Variants in THSD7A observed in about 807,000 individuals in gnomAD.
THSD7A encodes thrombospondin type 1 domain containing 7A, also known as thrombospondin type-1 domain-containing protein 7A.
Under a neutral mutation model 231.3 loss-of-function variants are expected in THSD7A, and 96 were observed. The ratio of observed to expected loss-of-function variants is 0.41; its 90% CI spans 0.35 to 0.49. THSD7A has a LOEUF of 0.49. THSD7A is among the 20% of genes least tolerant of loss of function. The pLI is 0.05. For synonymous variants in THSD7A, 940 were observed against 743.3 expected (o/e 1.26, Z -4.30); for missense variants, 2,290 against 2,070.2 (o/e 1.11, Z -2.06).
chr7:11,647,917 G>T (rs1334322739), intron 1 of THSD7A, among the ~76,000 whole-genome samples: 1 of 152,016 alleles, frequency 6.6e-6, no homozygotes, highest in Non-Finnish European at 1.5e-5. Context: ...TGAAGCAAGA[G>T]GTTAGCTGAT....
chr7:11,471,736 T>G (rs1785947591), intron 8 of THSD7A, among the ~76,000 whole-genome samples: 1 of 152,036 alleles, frequency 6.6e-6, no homozygotes, highest in South Asian at 2.1e-4. Context: ...TAGAAGCAAA[T>G]TTATTATTAC....
At chr7:11,754,858 C>CTA (rs1276831942) in intron 1 of THSD7A, among the ~76,000 whole-genome samples, 9 of 151,994 alleles carry the variant, frequency 5.9e-5, no homozygotes, top group Admixed American at 3.3e-4. Context: ...AATAATAGAA[C>CTA]TATATATTGA....
chr7:11,487,749 G>C (rs1309023653), intron 6 of THSD7A, among the ~76,000 whole-genome samples: 1 of 152,054 alleles, frequency 6.6e-6, no homozygotes, highest in African/African-American at 2.4e-5. Flanking sequence ...CAGATCTCAT[G>C]AGAATTATTC....
chr7:11,703,202 C>G (rs1344727802), intron 1 of THSD7A, among the ~76,000 whole-genome samples: 1 of 151,240 alleles, frequency 6.6e-6, no homozygotes, highest in African/African-American at 2.4e-5. Flanking sequence ...TGGCAGCGTT[C>G]AAACTCTGGT....
At chr7:11,519,285 C>T (rs554600218) in intron 6 of THSD7A, among the ~76,000 whole-genome samples, 1 of 152,208 alleles carries the variant, frequency 6.6e-6, no homozygotes, top group South Asian at 2.1e-4. Flanking sequence ...TTCTATTTCC[C>T]CTTCTCTTCT....
intron 6 of THSD7A, among the ~76,000 whole-genome samples, chr7:11,528,167 C>T (rs1200681492): frequency 2.0e-5 from 3 of 151,954 alleles, no homozygotes; most frequent in South Asian, 4.2e-4. Context: ...GACCCATTCT[C>T]TAAAATAAAA....
chr7:11,372,808 T>A lies in THSD7A; in HGVS notation c.*2986A>T, dbSNP rs1254221541. 3.3e-5 allele frequency: 5 copies of A among 152,060 alleles called. No homozygotes were observed. The highest frequency in any genetic ancestry group is 3.3e-4 in the Admixed American group (5 of 15,212). The allele number at this position is 152,060 out of a possible 1,614,324, so 9.4% of individuals were successfully genotyped here. A position where few individuals can be genotyped will look rare whatever the true frequency, so the allele number is the denominator to read the frequency against. ...AGGAACAGTAAAAATAAGGTTTTGA[T>A]GAAATTCCAATAAAATATTTAACTC... is the stretch of plus-strand genomic sequence containing the variant. On this transcript the variant is annotated 3_prime_UTR_variant, in exon 28 of 28. Transcript: ENST00000423059.
At chr7:11,603,917 T>C (rs1349985110) in intron 2 of THSD7A, among the ~76,000 whole-genome samples, 1 of 149,528 alleles carries the variant, frequency 6.7e-6, no homozygotes, top group Non-Finnish European at 1.5e-5. Context: ...TTGGGAGATA[T>C]ACCTAATGCT....
intron 4 of THSD7A, among the ~76,000 whole-genome samples, chr7:11,572,505 A>G (rs975638677): frequency 6.6e-6 from 1 of 151,804 alleles, no homozygotes; most frequent in Non-Finnish European, 1.5e-5. Context: ...CTTTGAACAT[A>G]TGTTTAGTAG....
chr7:11,707,463 G>T (rs188343321), intron 1 of THSD7A, among the ~76,000 whole-genome samples: 27 of 150,930 alleles, frequency 1.8e-4, no homozygotes, highest in Non-Finnish European at 1.6e-4. Flanking sequence ...TAGGAATCAT[G>T]GAAAACCCTG....
chr7:11,637,093 A>G lies in THSD7A; in HGVS notation c.191-132T>C. On this transcript the variant is annotated intron_variant, in intron 1 of 27. Coordinates refer to ENST00000423059, the MANE Select transcript of THSD7A (RefSeq NM_015204.3). This position sits in a 1 kb window ranked among gnomAD's most constrained non-coding sequence, Gnocchi z 4.2. ...GGTGTTACAAAGTAGGTCTCTGGAC[A>G]CGACTGTTGGAAAGTAATGATCCTC... 1.2e-6 allele frequency: 1 copy of G among 800,410 alleles called. No individual in the cohort carries two copies. The highest frequency in any genetic ancestry group is 1.9e-6 in the Non-Finnish European group (1 of 516,290). 49.6% of individuals were successfully genotyped at this position (800,410 alleles called of 1,614,324 possible).
intron 6 of THSD7A, among the ~76,000 whole-genome samples, chr7:11,501,102 C>T: frequency 6.6e-6 from 1 of 151,894 alleles, no homozygotes; most frequent in East Asian, 1.9e-4. Context: ...TATATGCACT[C>T]AACACAGGAA....
At position 11,456,820 on chromosome 7, in the gene THSD7A, C is replaced by T. The variant is rs563978248; in HGVS notation, c.2605+3842G>A. ...CTGCGGACTGGATTTAGCTCACAGG[C>T]CATATAGTTTACTGACTCCTGGTAT... On this transcript the variant is annotated intron_variant, in intron 11 of 27. Coordinates refer to ENST00000423059, the MANE Select transcript of THSD7A (RefSeq NM_015204.3). Among the ~76,000 whole-genome samples, 13 of 151,988 alleles carry T rather than the reference C, an allele frequency of 8.6e-5. No individual in the cohort carries two copies. In the South Asian group the frequency reaches 2.7e-3, roughly 32 times the overall value.
At chr7:11,473,680 T>C (rs553392876) in intron 8 of THSD7A, among the ~76,000 whole-genome samples, 2 of 152,164 alleles carry the variant, frequency 1.3e-5, no homozygotes, top group Non-Finnish European at 2.9e-5. Context: ...AAGGCACATA[T>C]AATATGTCGA....
At chr7:11,493,567 A>G (rs1786983770) in intron 6 of THSD7A, among the ~76,000 whole-genome samples, 1 of 152,134 alleles carries the variant, frequency 6.6e-6, no homozygotes, top group Non-Finnish European at 1.5e-5. Context: ...TTTAAAATCC[A>G]ATATGTAAGA....
intron 2 of THSD7A, among the ~76,000 whole-genome samples, chr7:11,627,776 T>A (rs1781520051): frequency 6.6e-6 from 1 of 152,174 alleles, no homozygotes; most frequent in African/African-American, 2.4e-5. Flanking sequence ...TCAGTGCTGG[T>A]TTAGTGAAGA....
intron 1 of THSD7A, among the ~76,000 whole-genome samples, chr7:11,786,894 C>A (rs1437986612): frequency 1.3e-5 from 2 of 151,940 alleles, no homozygotes; most frequent in Non-Finnish European, 1.5e-5. Context: ...GTCTCTATTT[C>A]TTCACCAACC....
intron 1 of THSD7A, among the ~76,000 whole-genome samples, chr7:11,698,516 T>C (rs1440648239): frequency 6.6e-6 from 1 of 151,408 alleles, no homozygotes; most frequent in African/African-American, 2.4e-5. Flanking sequence ...AAATTGCAAG[T>C]AGCCAGGCAA....
In THSD7A at chr7:11,509,327, C is replaced by T. The variant is rs1787692847; in HGVS notation, c.1823-27345G>A. Among the ~76,000 whole-genome samples, 4 of 152,228 alleles carry T rather than the reference C, an allele frequency of 2.6e-5. No individual in the cohort carries two copies. In the South Asian group the frequency reaches 8.3e-4, roughly 32 times the overall value. On this transcript the variant is annotated intron_variant, in intron 6 of 27. Coordinates refer to ENST00000423059, the MANE Select transcript of THSD7A (RefSeq NM_015204.3). ...AATCATTTCAAGACACAATAACTGA[C>T]TTATATAATATAAAGTCAAAAATTA...
Sources: allele counts gnomAD v4.1 joint callset (sites outside exome capture counted in the v4.1 genomes callset), GRCh38; gene constraint gnomAD v4.1.1; non-coding constraint Gnocchi (gnomAD v3.1); transcripts MANE v1.5; gene names NCBI Gene and HGNC (gene_info 2026-07-23, HGNC 2026-07-21).